SNX24: variants seen among roughly 807,000 people sequenced by gnomAD.
SNX24 encodes sorting nexin 24, also known as sorting nexin-24.
Under a neutral mutation model 28.7 loss-of-function variants are expected in SNX24, and 22 were observed. The ratio of observed to expected loss-of-function variants is 0.77; its 90% CI spans 0.55 to 1.10. The LOEUF is 1.10. Ranked by LOEUF, SNX24 falls within the 50% of genes least tolerant of loss-of-function variation. The pLI is 0.00. For synonymous variants in SNX24, 69 were observed against 71.5 expected (o/e 0.96, Z 0.18); for missense variants, 221 against 201.1 (o/e 1.10, Z -0.60).
intron 3 of SNX24, among the ~76,000 whole-genome samples, chr5:122,982,273 A>G (rs1455008034): frequency 1.3e-5 from 2 of 152,142 alleles, no homozygotes; most frequent in Non-Finnish European, 2.9e-5. Flanking sequence ...TTCCACTGCT[A>G]TTTATTCAGC....
chr5:122,865,643 G>T (rs1160409578), intron 1 of SNX24, among the ~76,000 whole-genome samples: 2 of 152,128 alleles, frequency 1.3e-5, no homozygotes, highest in African/African-American at 4.8e-5. Flanking sequence ...CCAGCCACTT[G>T]CTTGCTTTTT....
intron 3 of SNX24, among the ~76,000 whole-genome samples, chr5:122,993,981 C>T (rs1003988759): frequency 1.3e-5 from 2 of 152,106 alleles, no homozygotes; most frequent in Non-Finnish European, 2.9e-5. Flanking sequence ...AGTACCTTAG[C>T]TTTTGTGACA....
rs544404294 is a variant in SNX24 at position 122,880,471 on chromosome 5, A to C, written c.60+34778A>C. On this transcript the variant is annotated intron_variant, in intron 1 of 6. Coordinates refer to ENST00000261369, the MANE Select transcript of SNX24 (RefSeq NM_014035.4). ...ATTTTTCAAATGAGCTTTTACAATA[A>C]CCAGATAGCTGGATCACATCACTAA... Among the ~76,000 whole-genome samples, 212 of 152,288 alleles carry C rather than the reference A, an allele frequency of 1.4e-3. 1 individual carries two copies. Among genetic ancestry groups the C allele is most frequent in the Non-Finnish European group, 2.7e-3 (185 of 68,024 alleles).
intron 3 of SNX24, among the ~76,000 whole-genome samples, chr5:122,993,297 C>CT (rs34422739): frequency 0.012 from 1,330 of 114,170 alleles, 38 homozygotes; most frequent in African/African-American, 0.038. Flanking sequence ...TAGTGGCTGC[C>CT]TTTTTTTTTT....
At chr5:122,965,914 T>C (rs1760695287) in intron 3 of SNX24, among the ~76,000 whole-genome samples, 1 of 152,198 alleles carries the variant, frequency 6.6e-6, no homozygotes, top group African/African-American at 2.4e-5. Flanking sequence ...GCCAGATTAA[T>C]GGAGAGCAAT....
chr5:122,861,670 A>G (rs1755468457), intron 1 of SNX24, among the ~76,000 whole-genome samples: 1 of 151,966 alleles, frequency 6.6e-6, no homozygotes, highest in South Asian at 2.1e-4. Flanking sequence ...TAGATTGGGT[A>G]TATTTGAAAC....
At chr5:122,973,242 A>G (rs1302262214) in intron 3 of SNX24, among the ~76,000 whole-genome samples, 1 of 152,194 alleles carries the variant, frequency 6.6e-6, no homozygotes, top group Non-Finnish European at 1.5e-5. Context: ...CATCAAGCCA[A>G]ACCATTGGCT....
chr5:122,954,716 G>C (rs1760128877), intron 3 of SNX24, among the ~76,000 whole-genome samples: 1 of 75,916 alleles, frequency 1.3e-5, no homozygotes, highest in Non-Finnish European at 2.3e-5. Context: ...TGTCTTCGTG[G>C]TTTCTGATTT....
In SNX24 at chr5:122,913,733, C is replaced by T. The variant is rs746451731; in HGVS notation, c.61-23001C>T. On this transcript the variant is annotated intron_variant, in intron 1 of 6. Transcript: ENST00000261369. ...GGCGGCCGGGCAGAGGCTGCAATCTCGGCACTTTGGGAGGCCAAGGCAGGC... is the reference window on the plus strand; with the variant it reads ...GGCGGCCGGGCAGAGGCTGCAATCTTGGCACTTTGGGAGGCCAAGGCAGGC... Among the ~76,000 whole-genome samples, 108 of 152,278 alleles carry T rather than the reference C, an allele frequency of 7.1e-4. 1 individual carries two copies. Among genetic ancestry groups the T allele is most frequent in the African/African-American group, 1.1e-3 (47 of 41,548 alleles).
intron 1 of SNX24, among the ~76,000 whole-genome samples, chr5:122,884,498 AC>A (rs2150064162): frequency 6.6e-6 from 1 of 150,952 alleles, no homozygotes; most frequent in African/African-American, 2.4e-5. Flanking sequence ...TGATCCACCC[AC>A]CTCGGCCTCA....
intron 1 of SNX24, among the ~76,000 whole-genome samples, chr5:122,927,088 T>G (rs1758732271): frequency 6.6e-6 from 1 of 152,240 alleles, no homozygotes; most frequent in Non-Finnish European, 1.5e-5. Context: ...CAGATAGTGT[T>G]TTAATGATTT....
intron 3 of SNX24, among the ~76,000 whole-genome samples, chr5:122,976,560 G>T (rs1310548428): frequency 6.6e-6 from 1 of 152,214 alleles, no homozygotes; most frequent in Non-Finnish European, 1.5e-5. Flanking sequence ...GCACACAAAA[G>T]GTTGCTAGTA....
chr5:122,974,686 A>G (rs908262087), intron 3 of SNX24, among the ~76,000 whole-genome samples: 8 of 151,958 alleles, frequency 5.3e-5, no homozygotes, highest in African/African-American at 1.7e-4. Context: ...TGCACAGGCC[A>G]AATAGGAGAG....
intron 1 of SNX24, among the ~76,000 whole-genome samples, chr5:122,901,513 C>A (rs915085334): frequency 6.6e-6 from 1 of 152,132 alleles, no homozygotes; most frequent in Non-Finnish European, 1.5e-5. Flanking sequence ...CCAGGTCCAG[C>A]GGGGCTGGTA....
intron 3 of SNX24, among the ~76,000 whole-genome samples, chr5:122,973,521 C>G (rs1761042390): frequency 6.6e-6 from 1 of 152,198 alleles, no homozygotes; most frequent in African/African-American, 2.4e-5. Context: ...TTGGTGCAGG[C>G]TGGGGAGGAG....
chr5:122,845,947 CG>C (rs1467911004), intron 1 of SNX24, among the ~76,000 whole-genome samples: 1 of 152,146 alleles, frequency 6.6e-6, no homozygotes, highest in African/African-American at 2.4e-5. Flanking sequence ...CTGCAGTCCT[CG>C]GACGCGGCAC....
At chr5:122,925,417 A>G (rs1758653123) in intron 1 of SNX24, among the ~76,000 whole-genome samples, 1 of 150,332 alleles carries the variant, frequency 6.7e-6, no homozygotes, top group African/African-American at 2.5e-5. Context: ...GTGCCACCAT[A>G]CCCAGCTAAT....
chr5:123,027,207 A>G (rs1355433500), intron 5 of SNX24, among the ~76,000 whole-genome samples: 1 of 152,082 alleles, frequency 6.6e-6, no homozygotes, highest in African/African-American at 2.4e-5. Context: ...AGAAAAAAAA[A>G]GCCCAGAAGT....
chr5:122,925,732 A>G (rs1028218223), intron 1 of SNX24, among the ~76,000 whole-genome samples: 1 of 152,140 alleles, frequency 6.6e-6, no homozygotes, highest in Non-Finnish European at 1.5e-5. Context: ...CCACTATTAG[A>G]TTACTGAGCT....
Sources: gnomAD v4.1 joint callset for allele counts (sites outside exome capture counted in the v4.1 genomes callset) on GRCh38, gnomAD v4.1.1 for gene constraint, MANE v1.5 for transcripts, NCBI Gene and HGNC (gene_info 2026-07-23, HGNC 2026-07-21) for gene names.